The following LIG1 variants were observed in gnomAD, a reference collection of about 807,000 sequenced individuals.
LIG1 encodes the protein DNA ligase 1, also known as ligase I, DNA, ATP-dependent.
Under a neutral mutation model 115.7 loss-of-function variants are expected in LIG1, and 70 were observed. The ratio of observed to expected loss-of-function variants is 0.60; its 90% CI spans 0.50 to 0.74. LIG1 has a LOEUF of 0.74. LIG1 is among the 30% of genes least tolerant of loss of function. The pLI is 0.00. For synonymous variants in LIG1, 487 were observed against 495.3 expected (o/e 0.98, Z 0.22); for missense variants, 1,115 against 1,225.6 (o/e 0.91, Z 1.35).
At chr19:48,123,731 C>T (rs750027338) in intron 21 of LIG1, 16 of 296,280 alleles carry the variant, frequency 5.4e-5, no homozygotes, top group East Asian at 8.8e-5. Context: ...GACTGTCTTG[C>T]GTCGGCCTCC....
At chr19:48,139,327 T>TC (rs1251061988) in intron 12 of LIG1, among the ~76,000 whole-genome samples, 1 of 152,156 alleles carries the variant, frequency 6.6e-6, no homozygotes, top group Non-Finnish European at 1.5e-5. Flanking sequence ...CCCAGGGAGA[T>TC]CCTGGAGGCA....
chr19:48,124,290 T>C (rs992055049), intron 21 of LIG1, among the ~76,000 whole-genome samples: 1 of 152,156 alleles, frequency 6.6e-6, no homozygotes, highest in Non-Finnish European at 1.5e-5. Flanking sequence ...GCCACAAGGG[T>C]TAAGCAGGTA....
At chr19:48,161,620 C>A (rs771255369) in intron 3 of LIG1, 113 bp from the exon 4 acceptor site, 24 of 1,274,868 alleles carry the variant, frequency 1.9e-5, no homozygotes, top group Non-Finnish European at 2.1e-5. Flanking sequence ...TTTCAAGCAT[C>A]CAATGAACAT....
rs374178700 is a variant in LIG1, at chr19:48,135,685, C to T, written c.1518G>A (p.Thr506=). ...LEEQGMILKQ[T]FCEVPDLDRI... ...ACCCACTGCCCAGCTCTCACCAGAA[C>T]GTCTGCTTCAGGATCATGCCTTGCT... The change falls in exon 16 of 28, where the codon ACG becomes ACA. Residue 506 remains threonine (T), a synonymous_variant. Transcript: ENST00000263274. The T allele has an allele frequency of 3.0e-5, 49 of 1,613,576 alleles. No individual in the cohort carries two copies. In the African/African-American group the frequency reaches 3.6e-4, roughly 12 times the overall value.
intron 11 of LIG1, among the ~76,000 whole-genome samples, chr19:48,140,523 C>T (rs534627267): frequency 9.3e-4 from 142 of 152,278 alleles, no homozygotes; most frequent in Non-Finnish European, 1.5e-3. Flanking sequence ...GAAAAGACCC[C>T]TTTTTGCCTA....
At chr19:48,126,578 C>T (rs2033681764) in intron 21 of LIG1, among the ~76,000 whole-genome samples, 1 of 150,658 alleles carries the variant, frequency 6.6e-6, no homozygotes, top group South Asian at 2.1e-4. Context: ...TGCACTCCAG[C>T]CTGGGTGACT....
rs780748107 is a variant in LIG1, at chr19:48,153,884, T to C, written c.454A>G (p.Lys152Glu). 7 of 1,588,826 alleles carry C rather than the reference T, an allele frequency of 4.4e-6. No homozygotes were observed. Among genetic ancestry groups the C allele is most frequent in the Admixed American group, 1.8e-5 (1 of 56,184 alleles). Residue 152 changes from lysine (K) to glutamate (E), a missense_variant, in exon 6 of 28, where the codon AAG becomes GAG. Lys to Glu is a moderately conservative substitution (Grantham distance 56, BLOSUM62 1). Transcript: ENST00000263274. Reference sequence around the variant, plus strand: ...TCTGGGGGCTCACCTTCCTCCTCCTTCTTCCTCTTGGCTTCTCTGTCCTCG... The same window carrying C: ...TCTGGGGGCTCACCTTCCTCCTCCTCCTTCCTCTTGGCTTCTCTGTCCTCG... ...EDEDREAKRK[K>E]EEEEEETPKE...
rs73941629 is a variant in LIG1, at chr19:48,164,602, C to T, written c.17+948G>A. On this transcript the variant is annotated intron_variant, in intron 2 of 27. Coordinates refer to ENST00000263274, the MANE Select transcript of LIG1 (RefSeq NM_000234.3). ...TCTAACACCCTCTTTCCAAGGGGAC[C>T]GCTAAGAGGGGAGAGCCCGCCTGAG... 1.9e-3 allele frequency among the ~76,000 whole-genome samples: 294 copies of T among 152,280 alleles called. 2 individuals are homozygous for T. The highest frequency in any genetic ancestry group is 6.2e-3 in the African/African-American group (257 of 41,552).
At position 48,122,601 on chromosome 19, in the gene LIG1, CCTGA is replaced by C. The variant is rs1263133903; in HGVS notation, c.2232+329_2232+332del. Among the ~76,000 whole-genome samples, 6 of 152,258 alleles carry C rather than the reference CCTGA, an allele frequency of 3.9e-5. No homozygotes were observed. The highest frequency in any genetic ancestry group is 7.3e-5 in the Non-Finnish European group (5 of 68,046). ...CTTTTCTTCATGGCGCCCACTCCTG[CCTGA>C]CTTTCTCTTATTCATGTCCTGGCTT... On this transcript the variant is annotated intron_variant, in intron 23 of 27. Coordinates refer to ENST00000263274, the MANE Select transcript of LIG1 (RefSeq NM_000234.3). This position sits in a 1 kb window ranked among gnomAD's most constrained non-coding sequence, Gnocchi z 4.3.
chr19:48,132,715 C>T (rs3730987), intron 18 of LIG1, among the ~76,000 whole-genome samples: 70,812 of 146,484 alleles, frequency 0.48, 17,239 homozygotes, highest in East Asian at 0.75. Context: ...CACTTGAAGC[C>T]AGGAGGTGGA....
rs1010985314 is a variant in LIG1 at position 48,170,312 on chromosome 19, A to G, written c.-129T>C. 2.2e-6 allele frequency: 1 copy of G among 449,106 alleles called. No individual in the cohort carries two copies. Among genetic ancestry groups the G allele is most frequent in the Non-Finnish European group, 4.5e-6 (1 of 223,508 alleles). The allele number at this position is 449,106 out of a possible 1,614,324, so 27.8% of individuals were successfully genotyped here. A position where few individuals can be genotyped will look rare whatever the true frequency, so the allele number is the denominator to read the frequency against. On this transcript the variant is annotated 5_prime_UTR_variant, in exon 1 of 28. Transcript: ENST00000263274. ...CGCCAGGCGCGCCTCTGCAGTCCCA[A>G]GTTCGCGCCACGGCATTCGCGCGCA...
At chr19:48,115,846 G>T in intron 27 of LIG1, 27 bp downstream of exon 27, 1 of 1,600,546 alleles carries the variant, frequency 6.2e-7, no homozygotes, top group East Asian at 2.2e-5. Context: ...CAGCTGGGCG[G>T]CCCACCCCTG....
At chr19:48,161,581 T>C in intron 3 of LIG1, 74 bp from the exon 4 acceptor site, 2 of 1,547,450 alleles carry the variant, frequency 1.3e-6, no homozygotes. Context: ...CGCAAACACT[T>C]TGGTTTCTTT....
intron 5 of LIG1, chr19:48,154,216 C>T (rs1361387084): frequency 4.0e-6 from 2 of 497,610 alleles, no homozygotes; most frequent in South Asian, 2.0e-5. Flanking sequence ...AGAAATAATC[C>T]CCACGAGTAA....
intron 19 of LIG1, among the ~76,000 whole-genome samples, chr19:48,130,568 G>A (rs2033951932): frequency 2.0e-5 from 3 of 152,168 alleles, no homozygotes. Context: ...TGGAGAGGCT[G>A]CAGAGTTAGA....
chr19:48,164,548 T>C (rs955144308), intron 2 of LIG1, among the ~76,000 whole-genome samples: 1 of 152,212 alleles, frequency 6.6e-6, no homozygotes, highest in African/African-American at 2.4e-5. Flanking sequence ...GATAGGTATG[T>C]GGCCCAGGCT....
At chr19:48,135,988 G>C in intron 15 of LIG1, 46 bp downstream of exon 15, 3 of 1,466,580 alleles carry the variant, frequency 2.0e-6, no homozygotes, top group Non-Finnish European at 2.8e-6. Context: ...GGGGAAGCCT[G>C]AGGTAACTCC....
chr19:48,156,124 C>G (rs2035820054), intron 5 of LIG1, among the ~76,000 whole-genome samples: 1 of 152,188 alleles, frequency 6.6e-6, no homozygotes, highest in Admixed American at 6.5e-5. Flanking sequence ...GACCTTCTCA[C>G]CTCATTGCTC....
At chr19:48,149,548 T>C (rs1190011743) in intron 9 of LIG1, among the ~76,000 whole-genome samples, 2 of 152,194 alleles carry the variant, frequency 1.3e-5, no homozygotes, top group African/African-American at 2.4e-5. Context: ...ACTCCGACCC[T>C]GGACCGTTTC....
Sources: gnomAD v4.1 joint callset for allele counts (sites outside exome capture counted in the v4.1 genomes callset) on GRCh38, gnomAD v4.1.1 for gene constraint, Gnocchi (gnomAD v3.1) non-coding constraint, MANE v1.5 for transcripts, NCBI Gene and HGNC (gene_info 2026-07-23, HGNC 2026-07-21) for gene names.